SENP6: variants seen among roughly 807,000 people sequenced by gnomAD.
SENP6 encodes the protein sentrin-specific protease 6.
SENP6 carries 41 observed loss-of-function variants against 134.5 expected under a neutral mutation model. That is an observed-to-expected ratio of 0.30 (90% CI 0.24 to 0.40). The LOEUF (loss-of-function observed/expected upper bound fraction) is 0.40, where lower values mean the gene tolerates loss of function less well. Ranked by LOEUF, SENP6 falls within the 10% of genes least tolerant of loss-of-function variation. The probability of loss-of-function intolerance (pLI) is 1.00; values close to 1 mark genes in which losing one functional copy is unlikely to be tolerated. For missense variants in SENP6, 1,248 were observed against 1,312.5 expected, an observed-to-expected ratio of 0.95 and a Z score of 0.76; for synonymous variants, 395 against 429.8, an observed-to-expected ratio of 0.92 and a Z score of 1.00.
At chr6:75,707,463 A>C (rs1403452860) in intron 19 of SENP6, among the ~76,000 whole-genome samples, 2 of 146,274 alleles carry the variant, frequency 1.4e-5, no homozygotes, top group Non-Finnish European at 3.0e-5. Flanking sequence ...TCCTGGACTC[A>C]AGCAGTCCTC....
In SENP6 at chr6:75,670,668, G is replaced by T; in HGVS notation, c.1340G>T (p.Cys447Phe). The T allele has an allele frequency of 4.3e-6, 7 of 1,613,484 alleles. No homozygotes were observed. The highest frequency in any genetic ancestry group is 5.1e-6 in the Non-Finnish European group (6 of 1,179,700). ...TCCTTTGACAGTGTCATTTTAAACT[G>T]TCGAAGTATACGAGTAGGAACACTC... is the stretch of plus-strand genomic sequence containing the variant. ...QSSFDSVILN[C>F]RSIRVGTLFR... Residue 447 changes from cysteine to phenylalanine, a missense_variant, in exon 11 of 24, where the codon TGT becomes TTT. This residue lies in a region of SENP6 where 733 missense variants were observed against 725.4 expected (regional missense o/e 1.01). Transcript: ENST00000447266.
intron 16 of SENP6, among the ~76,000 whole-genome samples, chr6:75,686,337 G>A (rs1271929596): frequency 6.6e-6 from 1 of 152,134 alleles, no homozygotes; most frequent in African/African-American, 2.4e-5. Context: ...GATGGGTCTT[G>A]ACTCTTTATC....
At chr6:75,685,589 G>A (rs1188908389) in intron 16 of SENP6, among the ~76,000 whole-genome samples, 1 of 152,102 alleles carries the variant, frequency 6.6e-6, no homozygotes, top group African/African-American at 2.4e-5. Context: ...AGAGATTCTG[G>A]TACGTTGTGC....
intron 4 of SENP6, 28 bp from the exon 5 acceptor site, chr6:75,634,679 A>C: frequency 7.7e-7 from 1 of 1,293,300 alleles, no homozygotes; most frequent in Non-Finnish European, 1.1e-6. Context: ...TCCGTGTTCA[A>C]GTTATTTTTT....
At chr6:75,682,838 C>T (rs1193961002) in intron 16 of SENP6, among the ~76,000 whole-genome samples, 1 of 152,136 alleles carries the variant, frequency 6.6e-6, no homozygotes, top group African/African-American at 2.4e-5. Context: ...CAAGTCTTTG[C>T]TATTGTGAAT....
intron 9 of SENP6, among the ~76,000 whole-genome samples, chr6:75,664,947 A>T (rs1328906356): frequency 6.6e-6 from 1 of 152,158 alleles, no homozygotes; most frequent in African/African-American, 2.4e-5. Context: ...AGAAAATTTA[A>T]ATCAGTTAAT....
chr6:75,633,468 A>G lies in SENP6; in HGVS notation c.208-113A>G, dbSNP rs1431209670. On this transcript the variant is annotated intron_variant, in intron 3 of 23. Coordinates refer to ENST00000447266, the MANE Select transcript of SENP6 (RefSeq NM_015571.4). ...TAAATCCATGCCAATGCTATCCACCATCATTCCCAATAGCTGTATGTTTTT... is the reference window on the plus strand; with the variant it reads ...TAAATCCATGCCAATGCTATCCACCGTCATTCCCAATAGCTGTATGTTTTT... The G allele has an allele frequency of 1.4e-5, 12 of 849,132 alleles. No individual in the cohort carries two copies. In the Admixed American group the frequency reaches 3.7e-4, roughly 26 times the overall value. 52.6% of individuals were successfully genotyped at this position (849,132 alleles called of 1,614,324 possible).
intron 19 of SENP6, among the ~76,000 whole-genome samples, chr6:75,704,339 CAT>C (rs899585801): frequency 5.9e-5 from 9 of 152,302 alleles, no homozygotes; most frequent in African/African-American, 1.9e-4. Flanking sequence ...AGCAAGAAAA[CAT>C]GTGAGCAAAG....
At chr6:75,602,883 T>G (rs1766743410) in intron 1 of SENP6, among the ~76,000 whole-genome samples, 1 of 152,178 alleles carries the variant, frequency 6.6e-6, no homozygotes, top group South Asian at 2.1e-4. Context: ...TTTGGGGTGG[T>G]GGCCTAAGGA....
chr6:75,604,799 G>A (rs369307665), intron 1 of SENP6, among the ~76,000 whole-genome samples: 11 of 152,150 alleles, frequency 7.2e-5, no homozygotes, highest in East Asian at 3.9e-4. Flanking sequence ...CCGGCCAGGC[G>A]TGGTGGCTCA....
intron 1 of SENP6, among the ~76,000 whole-genome samples, chr6:75,619,439 G>T (rs1768095910): frequency 1.3e-5 from 1 of 79,102 alleles, no homozygotes; most frequent in Admixed American, 1.7e-4. Context: ...ACATTCCGTT[G>T]TGTCTATGTG....
chr6:75,603,897 A>G (rs1199681044), intron 1 of SENP6, among the ~76,000 whole-genome samples: 1 of 152,210 alleles, frequency 6.6e-6, no homozygotes, highest in African/African-American at 2.4e-5. Context: ...AAGAGTAAGA[A>G]AAGCTTCTGA....
At position 75,645,486 on chromosome 6, in the gene SENP6, G is replaced by A. The variant is rs529594889; in HGVS notation, c.480-2245G>A. ...ACAAAAATTAGCACAGCATGGTGGC[G>A]CACACGTGTAATCCCAGCTACTCAG... is the stretch of plus-strand genomic sequence containing the variant. On this transcript the variant is annotated intron_variant, in intron 6 of 23. Transcript: ENST00000447266. Among the ~76,000 whole-genome samples, 20 of 152,182 alleles carry A rather than the reference G, an allele frequency of 1.3e-4. No homozygotes were observed. In the South Asian group the frequency reaches 3.7e-3, roughly 28 times the overall value.
intron 7 of SENP6, among the ~76,000 whole-genome samples, chr6:75,658,051 T>C (rs1771480023): frequency 6.6e-6 from 1 of 152,004 alleles, no homozygotes; most frequent in Non-Finnish European, 1.5e-5. Flanking sequence ...GGGAGCAAAA[T>C]TGGGATAGAG....
chr6:75,713,765 G>T lies in SENP6; in HGVS notation c.3069G>T (p.Gln1023His). The T allele has an allele frequency of 6.2e-7, 1 of 1,613,526 alleles. No homozygotes were observed. Among genetic ancestry groups the T allele is most frequent in the Non-Finnish European group, 8.5e-7 (1 of 1,179,678 alleles). ...VMKGSNPKVP[Q>H]QNNFSDCGVY... Reference sequence around the variant, plus strand: ...AGGGCTCTAATCCAAAAGTACCACAGCAAAACAACTTCAGTGACTGTGGTG... The same window carrying T: ...AGGGCTCTAATCCAAAAGTACCACATCAAAACAACTTCAGTGACTGTGGTG... The change falls in exon 23 of 24, where the codon CAG (glutamine) becomes CAT (histidine). Residue 1023 changes from glutamine to histidine, a missense_variant. Physicochemically the swap from Gln to His is conservative, Grantham distance 24. This residue lies in a region of SENP6 where 386 missense variants were observed against 395.0 expected (regional missense o/e 0.98). Transcript: ENST00000447266.
chr6:75,641,582 TTGAA>T (rs1341990676), intron 6 of SENP6, among the ~76,000 whole-genome samples: 1 of 152,162 alleles, frequency 6.6e-6, no homozygotes, highest in African/African-American at 2.4e-5. Context: ...TAGAGGATAT[TTGAA>T]TGGTATAAAT....
chr6:75,663,144 A>G, intron 8 of SENP6, 77 bp from the exon 9 acceptor site: 1 of 1,336,062 alleles, frequency 7.5e-7, no homozygotes. Context: ...GTTTATGAAC[A>G]CCGTGAATGT....
At chr6:75,603,648 G>T (rs1172601387) in intron 1 of SENP6, among the ~76,000 whole-genome samples, 1 of 152,150 alleles carries the variant, frequency 6.6e-6, no homozygotes, top group Admixed American at 6.5e-5. Context: ...TCCCTAAACA[G>T]GTTCTATAGG....
At chr6:75,673,385 G>A (rs1056296463) in intron 11 of SENP6, among the ~76,000 whole-genome samples, 5 of 148,802 alleles carry the variant, frequency 3.4e-5, no homozygotes, top group African/African-American at 1.0e-4. Flanking sequence ...GTGCAGTGGC[G>A]CAATCTTGGC....
Sources: allele counts gnomAD v4.1 joint callset (sites outside exome capture counted in the v4.1 genomes callset), GRCh38; gene constraint gnomAD v4.1.1; regional missense constraint gnomAD v4.1.1; transcripts MANE v1.5; gene names NCBI Gene and HGNC (gene_info 2026-07-23, HGNC 2026-07-21).